The following BCKDHB variants were observed in gnomAD, a reference collection of about 807,000 sequenced individuals.
BCKDHB encodes the protein 2-oxoisovalerate dehydrogenase subunit beta, mitochondrial.
A neutral mutation model predicts 48.5 loss-of-function variants in BCKDHB; 41 were observed. The ratio of observed to expected loss-of-function variants is 0.85; its 90% CI spans 0.66 to 1.10. The LOEUF (loss-of-function observed/expected upper bound fraction) is 1.10. Ranked by LOEUF, BCKDHB falls within the 50% of genes least tolerant of loss-of-function variation. BCKDHB has a pLI of 0.00. For missense variants in BCKDHB, 496 were observed against 494.2 expected, an observed-to-expected ratio of 1.00 and a Z score of -0.03; for synonymous variants, 201 against 174.8, an observed-to-expected ratio of 1.15 and a Z score of -1.18.
the BCKDHB span, among the ~76,000 whole-genome samples, chr6:80,389,294 C>A: frequency 6.6e-6 from 1 of 152,226 alleles, no homozygotes; most frequent in Non-Finnish European, 1.5e-5. Flanking sequence ...ACATTTACTT[C>A]CACTCACCAA....
At chr6:80,233,407 C>G (rs1776015508) in intron 8 of BCKDHB, among the ~76,000 whole-genome samples, 1 of 152,056 alleles carries the variant, frequency 6.6e-6, no homozygotes, top group Non-Finnish European at 1.5e-5. Context: ...GAGATCATTC[C>G]CAACTAAGAA....
At chr6:80,210,189 C>T (rs1489450392) in intron 8 of BCKDHB, among the ~76,000 whole-genome samples, 1 of 149,700 alleles carries the variant, frequency 6.7e-6, no homozygotes, top group African/African-American at 2.4e-5. Context: ...CTTCTAGTAG[C>T]CCCACACTGT....
chr6:80,167,701 C>T lies in BCKDHB; in HGVS notation c.367C>T (p.Pro123Ser). The T allele has an allele frequency of 6.2e-7, 1 of 1,610,698 alleles. No homozygotes were observed. Among genetic ancestry groups the T allele is most frequent in the Non-Finnish European group, 8.5e-7 (1 of 1,177,136 alleles). The change falls in exon 4 of 10, where the codon CCA (proline) becomes TCA (serine). Residue 123 changes from proline (P) to serine (S), a missense_variant. By Grantham distance (74) the Pro-to-Ser change is moderately conservative. Coordinates refer to ENST00000320393, the MANE Select transcript of BCKDHB (RefSeq NM_183050.4). ...AGGAAAAGATAGAGTTTTTAATACCCCATTGTGTGAACAAGGAATTGTTGG... is the reference window on the plus strand; with the variant it reads ...AGGAAAAGATAGAGTTTTTAATACCTCATTGTGTGAACAAGGAATTGTTGG... ...KYGKDRVFNT[P>S]LCEQGIVGFG...
the BCKDHB span, among the ~76,000 whole-genome samples, chr6:80,433,378 G>A: frequency 6.6e-6 from 1 of 152,130 alleles, no homozygotes; most frequent in African/African-American, 2.4e-5. Flanking sequence ...GAGAAATCTG[G>A]CAGTCTGGCC....
chr6:80,214,374 G>T (rs1191122427), intron 8 of BCKDHB, among the ~76,000 whole-genome samples: 1 of 152,168 alleles, frequency 6.6e-6, no homozygotes, highest in Non-Finnish European at 1.5e-5. Flanking sequence ...AGAAGTTGAA[G>T]AATTTGTCTA....
intron 9 of BCKDHB, among the ~76,000 whole-genome samples, chr6:80,341,041 A>G (rs972950735): frequency 3.3e-5 from 5 of 152,200 alleles, no homozygotes; most frequent in Non-Finnish European, 5.9e-5. Context: ...GCTCTTTAAT[A>G]TACTTTTGTT....
At chr6:80,253,922 A>G (rs1219268747) in intron 8 of BCKDHB, among the ~76,000 whole-genome samples, 1 of 151,862 alleles carries the variant, frequency 6.6e-6, no homozygotes, top group East Asian at 1.9e-4. Context: ...GAAATTAAAA[A>G]AATCTACAGA....
the BCKDHB span, chr6:80,443,334 C>CT: frequency 6.6e-6 from 1 of 151,984 alleles, no homozygotes; most frequent in East Asian, 1.9e-4. Flanking sequence ...GGGCGGGGGT[C>CT]CTTTGTGTAA....
intron 6 of BCKDHB, among the ~76,000 whole-genome samples, chr6:80,183,970 GTTTA>G (rs771168623): frequency 9.9e-5 from 15 of 152,058 alleles, no homozygotes; most frequent in African/African-American, 1.9e-4. Context: ...AAGTAACACA[GTTTA>G]TTTATTCATT....
chr6:80,444,816 C>T, the BCKDHB span, among the ~76,000 whole-genome samples: 1 of 152,128 alleles, frequency 6.6e-6, no homozygotes, highest in Non-Finnish European at 1.5e-5. Flanking sequence ...TACATAAACA[C>T]AGTTATACTT....
Position 80,129,238 on chromosome 6 carries a change from A to G in BCKDHB, c.343+9A>G. 2 of 1,596,532 alleles carry G rather than the reference A, an allele frequency of 1.3e-6. No homozygotes were observed. Among genetic ancestry groups the G allele is most frequent in the Non-Finnish European group, 1.7e-6 (2 of 1,164,842 alleles). On this transcript the variant is annotated intron_variant, in intron 3 of 9. Transcript: ENST00000320393. ...CTTGCGAGACAAATATGGTAAGTAA[A>G]TACCTATATGAATAGTATTCTGATA...
intron 9 of BCKDHB, among the ~76,000 whole-genome samples, chr6:80,305,724 T>G (rs1490066362): frequency 6.6e-6 from 1 of 152,162 alleles, no homozygotes; most frequent in Non-Finnish European, 1.5e-5. Context: ...TCTCTGTCCC[T>G]TAAGAGACCC....
intron 9 of BCKDHB, among the ~76,000 whole-genome samples, chr6:80,300,340 C>T (rs1451513330): frequency 6.6e-6 from 1 of 152,162 alleles, no homozygotes; most frequent in Non-Finnish European, 1.5e-5. Flanking sequence ...ATGTGAACCA[C>T]CATACCTGGG....
chr6:80,133,460 A>T (rs777240910), intron 3 of BCKDHB, among the ~76,000 whole-genome samples: 5 of 152,178 alleles, frequency 3.3e-5, no homozygotes, highest in Non-Finnish European at 5.9e-5. Flanking sequence ...TAGAAGAAAG[A>T]AAATAGTATG....
the BCKDHB span, among the ~76,000 whole-genome samples, chr6:80,351,632 A>G: frequency 9.7e-4 from 131 of 134,758 alleles, 2 homozygotes; most frequent in African/African-American, 3.2e-3. Context: ...ATAGATCTGG[A>G]ATTTTTTTTT....
At chr6:80,462,722 A>T in the BCKDHB span, 1 of 152,184 alleles carries the variant, frequency 6.6e-6, no homozygotes, top group Non-Finnish European at 1.5e-5. Flanking sequence ...GCTTTTGGGA[A>T]TTCAAGTAGA....
At chr6:80,382,331 C>A in the BCKDHB span, among the ~76,000 whole-genome samples, 1 of 136,888 alleles carries the variant, frequency 7.3e-6, no homozygotes, top group African/African-American at 3.5e-5. Flanking sequence ...ATTGAAATAA[C>A]AAATGACATT....
intron 8 of BCKDHB, among the ~76,000 whole-genome samples, chr6:80,204,414 A>G (rs545860719): frequency 6.6e-6 from 1 of 152,284 alleles, no homozygotes; most frequent in South Asian, 2.1e-4. Context: ...TCATGAAAAT[A>G]ACGCTTTTTG....
At chr6:80,285,948 G>A (rs1024833979) in intron 9 of BCKDHB, among the ~76,000 whole-genome samples, 1 of 152,070 alleles carries the variant, frequency 6.6e-6, no homozygotes, top group African/African-American at 2.4e-5. Flanking sequence ...GTGTCTCTGT[G>A]TGTGTGTGTA....
Sources: allele counts gnomAD v4.1 joint callset (sites outside exome capture counted in the v4.1 genomes callset), GRCh38; gene constraint gnomAD v4.1.1; transcripts MANE v1.5; gene names NCBI Gene and HGNC (gene_info 2026-07-23, HGNC 2026-07-21).